Variants in DLC1 observed in about 807,000 individuals in gnomAD.
DLC1 encodes the protein DLC1 Rho GTPase activating protein.
A neutral mutation model predicts 140.3 loss-of-function variants in DLC1; 54 were observed. The ratio of observed to expected loss-of-function variants is 0.38; its 90% CI spans 0.31 to 0.48. DLC1 has a LOEUF of 0.48. Among genes scored for constraint, DLC1 ranks in the 20% least tolerant of loss-of-function variants. DLC1 has a pLI of 0.96. For synonymous variants in DLC1, 986 were observed against 728.1 expected (o/e 1.35, Z -5.70); for missense variants, 2,536 against 1,907.0 (o/e 1.33, Z -6.14).
chr8:13,266,958 G>A (rs960911076), intron 5 of DLC1, among the ~76,000 whole-genome samples: 1 of 152,134 alleles, frequency 6.6e-6, no homozygotes, highest in East Asian at 1.9e-4. Context: ...GCCATGAGCT[G>A]CACATGAGTT....
At chr8:13,339,025 T>C (rs987153272) in intron 4 of DLC1, among the ~76,000 whole-genome samples, 14 of 152,196 alleles carry the variant, frequency 9.2e-5, no homozygotes, top group African/African-American at 3.4e-4. Flanking sequence ...ACAATGCGTA[T>C]ATCTGGTAAT....
chr8:13,283,802 A>G (rs1015917812), intron 5 of DLC1, among the ~76,000 whole-genome samples: 2 of 152,164 alleles, frequency 1.3e-5, no homozygotes, highest in African/African-American at 2.4e-5. Flanking sequence ...GATATGAGCC[A>G]CTCAGCGTGG....
At chr8:13,268,692 G>A (rs1385359489) in intron 5 of DLC1, among the ~76,000 whole-genome samples, 1 of 151,918 alleles carries the variant, frequency 6.6e-6, no homozygotes, top group African/African-American at 2.4e-5. Context: ...CTTGTTTGCA[G>A]AGAGAATTTC....
intron 5 of DLC1, among the ~76,000 whole-genome samples, chr8:13,208,215 A>G (rs1388967652): frequency 6.6e-6 from 1 of 152,140 alleles, no homozygotes; most frequent in Non-Finnish European, 1.5e-5. Flanking sequence ...TCAGGATTTC[A>G]TGAGGTTATA....
chr8:13,100,678 A>C lies in DLC1; in HGVS notation c.1659T>G (p.Phe553Leu). The C allele has an allele frequency of 6.2e-7, 1 of 1,614,022 alleles. No homozygotes were observed. Among genetic ancestry groups the C allele is most frequent in the Non-Finnish European group, 8.5e-7 (1 of 1,179,966 alleles). ...DSKRWSRLEEFDVFSPKQDLV... is the reference protein window; with the variant it reads ...DSKRWSRLEELDVFSPKQDLV... Reference sequence around the variant, plus strand: ...GGTCTTGTTTTGGAGAAAAGACATCAAACTCTTCAAGCCGGGACCACCTCT... The same window carrying C: ...GGTCTTGTTTTGGAGAAAAGACATCCAACTCTTCAAGCCGGGACCACCTCT... The change falls in exon 9 of 18, where the codon TTT (phenylalanine) becomes TTG (leucine). Residue 553 changes from phenylalanine (F) to leucine (L), a missense_variant. By Grantham distance (22) the Phe-to-Leu change is conservative. Transcript: ENST00000276297.
chr8:13,174,140 G>A (rs2116941628), intron 5 of DLC1, among the ~76,000 whole-genome samples: 1 of 152,240 alleles, frequency 6.6e-6, no homozygotes, highest in East Asian at 1.9e-4. Flanking sequence ...GCATTAATTG[G>A]CTTAGGATAA....
chr8:13,335,727 C>G (rs940240785), intron 4 of DLC1, among the ~76,000 whole-genome samples: 1 of 152,134 alleles, frequency 6.6e-6, no homozygotes, highest in African/African-American at 2.4e-5. Context: ...AAACAAAATG[C>G]TCAAGCCAAA....
chr8:13,250,540 G>C (rs10503440), intron 5 of DLC1, among the ~76,000 whole-genome samples: 35,582 of 152,066 alleles, frequency 0.23, 4,319 homozygotes, highest in South Asian at 0.34. Context: ...AAACTAGCTT[G>C]TATTATCACC....
At chr8:13,170,691 C>T (rs1825410333) in intron 5 of DLC1, among the ~76,000 whole-genome samples, 1 of 144,600 alleles carries the variant, frequency 6.9e-6, no homozygotes, top group Non-Finnish European at 1.5e-5. Context: ...GATCGCGCCA[C>T]TGCACTCCAG....
At chr8:13,128,774 G>A (rs562035327) in intron 5 of DLC1, among the ~76,000 whole-genome samples, 6 of 151,722 alleles carry the variant, frequency 4.0e-5, no homozygotes, top group African/African-American at 1.5e-4. Flanking sequence ...GGCGGAGCTT[G>A]CAGTGAGCCA....
Position 13,555,429 on chromosome 8 carries a change from A to G in DLC1, c.-126+49108T>C, listed in dbSNP as rs537563450. 3.9e-5 allele frequency among the ~76,000 whole-genome samples: 6 copies of G among 152,294 alleles called. No individual in the cohort carries two copies. In the South Asian group the frequency reaches 1.0e-3, roughly 26 times the overall value. On this transcript the variant is annotated intron_variant, in intron 1 of 1. Transcript: ENST00000631382. Reference sequence around the variant, plus strand: ...AATGGACACGTTTGTGGAGGAACAGAGTGAAATTAGACAGAAATGAATAGG... The same window carrying G: ...AATGGACACGTTTGTGGAGGAACAGGGTGAAATTAGACAGAAATGAATAGG...
chr8:13,302,369 G>C (rs1385541243), intron 5 of DLC1, among the ~76,000 whole-genome samples: 1 of 152,130 alleles, frequency 6.6e-6, no homozygotes, highest in East Asian at 1.9e-4. Flanking sequence ...TTTGTGAAAT[G>C]ACTGAATCCA....
intron 4 of DLC1, chr8:13,341,945 A>C (rs565579620): frequency 6.6e-6 from 1 of 152,344 alleles, no homozygotes; most frequent in South Asian, 2.1e-4. Context: ...AAAATGCCTA[A>C]ACTGCTTTCT....
At chr8:13,262,080 G>C (rs1380915753) in intron 5 of DLC1, among the ~76,000 whole-genome samples, 1 of 152,122 alleles carries the variant, frequency 6.6e-6, no homozygotes, top group African/African-American at 2.4e-5. Flanking sequence ...CTCTCTTGGG[G>C]TAAGAGTGCT....
intron 2 of DLC1, among the ~76,000 whole-genome samples, chr8:13,475,278 A>C (rs936809000): frequency 6.6e-6 from 1 of 152,242 alleles, no homozygotes; most frequent in African/African-American, 2.4e-5. Flanking sequence ...GTTCCCTACG[A>C]TATAGCACAG....
intron 1 of DLC1, among the ~76,000 whole-genome samples, chr8:13,573,304 C>T (rs1426693888): frequency 6.6e-6 from 1 of 152,078 alleles, no homozygotes; most frequent in Admixed American, 6.6e-5. Context: ...TTTTTGCATG[C>T]TGGTTTTGTA....
At chr8:13,168,972 C>G (rs1399709737) in intron 5 of DLC1, among the ~76,000 whole-genome samples, 1 of 152,160 alleles carries the variant, frequency 6.6e-6, no homozygotes, top group Non-Finnish European at 1.5e-5. Flanking sequence ...ACATAGTCCT[C>G]TTTGCATTGT....
rs116298892 is a variant in DLC1 at position 13,479,401 on chromosome 8, G to C, written c.1023+19648C>G. Among the ~76,000 whole-genome samples the C allele has an allele frequency of 5.5e-3, 845 of 152,256 alleles. 5 individuals are homozygous for C. The highest frequency in any genetic ancestry group is 0.019 in the African/African-American group (789 of 41,536). ...GTCGCATAATGAGTGGAAGTTAAGA[G>C]ACATAGATACAAGTTATTACAAAAA... On this transcript the variant is annotated intron_variant, in intron 2 of 17. Transcript: ENST00000276297.
chr8:13,180,199 T>G (rs934208201), intron 5 of DLC1, among the ~76,000 whole-genome samples: 1 of 152,138 alleles, frequency 6.6e-6, no homozygotes, highest in Non-Finnish European at 1.5e-5. Context: ...AAACTACTTG[T>G]TCCCTGCCTG....
Sources: allele counts gnomAD v4.1 joint callset (sites outside exome capture counted in the v4.1 genomes callset), GRCh38; gene constraint gnomAD v4.1.1; transcripts MANE v1.5; gene names NCBI Gene and HGNC (gene_info 2026-07-23, HGNC 2026-07-21).